The following CNNM1 variants were observed in gnomAD, a reference collection of about 807,000 sequenced individuals.
The protein encoded by CNNM1 is metal transporter CNNM1.
Under a neutral mutation model 78.8 loss-of-function variants are expected in CNNM1, and 44 were observed. The observed-to-expected ratio is 0.56, with a 90% CI of 0.44 to 0.72. The LOEUF is 0.72. CNNM1 is among the 30% of genes least tolerant of loss of function. The pLI is 0.00. For synonymous variants in CNNM1, 584 were observed against 581.5 expected (o/e 1.00, Z -0.06); for missense variants, 1,101 against 1,292.2 (o/e 0.85, Z 2.27).
At chr10:99,356,827 C>T (rs2031235668) in intron 1 of CNNM1, among the ~76,000 whole-genome samples, 1 of 152,190 alleles carries the variant, frequency 6.6e-6, no homozygotes, top group African/African-American at 2.4e-5. Flanking sequence ...GGCCTCTCCA[C>T]TATGGTGGCC....
At chr10:99,335,720 T>C (rs2030148767) in intron 1 of CNNM1, among the ~76,000 whole-genome samples, 1 of 152,168 alleles carries the variant, frequency 6.6e-6, no homozygotes, top group South Asian at 2.1e-4. Flanking sequence ...CATTAGAAAA[T>C]AGCATAGACT....
rs528309020 is a variant in CNNM1, at chr10:99,389,273, C to T, written c.2674+972C>T. On this transcript the variant is annotated intron_variant, in intron 9 of 10. Coordinates refer to ENST00000356713, the MANE Select transcript of CNNM1 (RefSeq NM_020348.3). ...TCTACTAAAAAAAACAAAAATTAGCCGGGTGTGGTGGTGGGTGCCTGTAAT... is the reference window on the plus strand; with the variant it reads ...TCTACTAAAAAAAACAAAAATTAGCTGGGTGTGGTGGTGGGTGCCTGTAAT... 1.4e-4 allele frequency among the ~76,000 whole-genome samples: 21 copies of T among 151,880 alleles called. No homozygotes were observed. The South Asian group carries it at 3.8e-3, about 27-fold the overall frequency.
At chr10:99,333,122 C>T (rs1461508604) in intron 1 of CNNM1, among the ~76,000 whole-genome samples, 2 of 152,174 alleles carry the variant, frequency 1.3e-5, no homozygotes, top group Non-Finnish European at 2.9e-5. Flanking sequence ...CCTCTGTATG[C>T]ATGCATCCCT....
intron 7 of CNNM1, among the ~76,000 whole-genome samples, chr10:99,379,767 C>T (rs562962821): frequency 6.8e-4 from 103 of 151,874 alleles, no homozygotes; most frequent in Middle Eastern, 3.4e-3. Flanking sequence ...GCATGAGCCA[C>T]GGCACTCAGC....
intron 9 of CNNM1, among the ~76,000 whole-genome samples, chr10:99,388,598 T>G (rs1423767954): frequency 6.6e-6 from 1 of 152,208 alleles, no homozygotes; most frequent in African/African-American, 2.4e-5. Context: ...GGCAAGTTAT[T>G]GAACCTAAGA....
chr10:99,364,277 G>A (rs754791494), intron 4 of CNNM1, 140 bp from the exon 5 acceptor site: 1 of 609,444 alleles, frequency 1.6e-6, no homozygotes, highest in Non-Finnish European at 2.8e-6. Flanking sequence ...TAAATCTGGA[G>A]AGAATTAACA....
chr10:99,388,014 T>C lies in CNNM1; in HGVS notation c.2524+11T>C, dbSNP rs775755637. On this transcript the variant is annotated intron_variant, in intron 8 of 10. Transcript: ENST00000356713. ...GGAACAGCCTGCCGTGTAAGTCAGC[T>C]GGGCAGACGGGCAGGCTGGGCTGGT... 3.4e-5 allele frequency: 54 copies of C among 1,580,918 alleles called. No homozygotes were observed. The highest frequency in any genetic ancestry group is 4.4e-5 in the Non-Finnish European group (51 of 1,162,792).
At chr10:99,356,444 C>G (rs368162664) in intron 1 of CNNM1, among the ~76,000 whole-genome samples, 1 of 150,222 alleles carries the variant, frequency 6.7e-6, no homozygotes, top group African/African-American at 2.5e-5. Context: ...CCATTGCACT[C>G]CAGCCTGGCG....
chr10:99,390,270 T>C, intron 9 of CNNM1, 36 bp from the exon 10 acceptor site: 1 of 1,477,174 alleles, frequency 6.8e-7, no homozygotes. Context: ...AGTGTGTAGG[T>C]TGAGACAACT....
At chr10:99,360,751 A>G (rs2031400688) in intron 2 of CNNM1, 84 bp from the exon 3 acceptor site, 7 of 1,499,532 alleles carry the variant, frequency 4.7e-6, no homozygotes, top group Admixed American at 2.1e-5. Context: ...GAAATGTTCT[A>G]TCTGTCCCCT....
At chr10:99,349,432 T>C (rs1299617271) in intron 1 of CNNM1, among the ~76,000 whole-genome samples, 1 of 151,888 alleles carries the variant, frequency 6.6e-6, no homozygotes, top group Non-Finnish European at 1.5e-5. Flanking sequence ...ACAATGGAAA[T>C]AGAAAAGTTC....
intron 7 of CNNM1, among the ~76,000 whole-genome samples, chr10:99,381,311 G>C (rs2032143774): frequency 2.0e-5 from 3 of 151,378 alleles, no homozygotes; most frequent in Admixed American, 1.3e-4. Flanking sequence ...CTATTCAGGA[G>C]GCTGAGGCAG....
chr10:99,387,348 C>T (rs1411346751), intron 7 of CNNM1, among the ~76,000 whole-genome samples: 1 of 152,144 alleles, frequency 6.6e-6, no homozygotes, highest in African/African-American at 2.4e-5. Context: ...TGGGCTTAGT[C>T]CAAATCAGAA....
rs371492190 is a variant in CNNM1 at position 99,360,832 on chromosome 10, C to T, written c.1718-3C>T. ...CTGTAATCTGTCCTCTGTGACCCCA[C>T]AGCTGACAATCGGAAAAAGCAGAGG... On this transcript the variant is annotated splice_region_variant and splice_polypyrimidine_tract_variant and intron_variant, in intron 2 of 10. Transcript: ENST00000356713. 111 of 1,600,194 alleles carry T rather than the reference C, an allele frequency of 6.9e-5. No homozygotes were observed. The African/African-American group carries it at 1.4e-3, about 20-fold the overall frequency.
intron 2 of CNNM1, among the ~76,000 whole-genome samples, chr10:99,358,752 TCTCC>T (rs1440781716): frequency 6.6e-6 from 1 of 151,952 alleles, no homozygotes; most frequent in East Asian, 1.9e-4. Context: ...GGAAATGTCC[TCTCC>T]CTCCCCCACC....
intron 1 of CNNM1, among the ~76,000 whole-genome samples, chr10:99,346,565 A>G (rs7913982): frequency 0.15 from 22,239 of 152,132 alleles, 2,200 homozygotes; most frequent in African/African-American, 0.28. Flanking sequence ...TATTTCATTC[A>G]TTCTCCCAAA....
intron 10 of CNNM1, among the ~76,000 whole-genome samples, chr10:99,390,888 A>G (rs1373373422): frequency 6.6e-6 from 1 of 152,246 alleles, no homozygotes; most frequent in Non-Finnish European, 1.5e-5. Context: ...AACAAGGTGA[A>G]GATATTCCTT....
chr10:99,383,256 T>G (rs989952048), intron 7 of CNNM1, among the ~76,000 whole-genome samples: 2 of 152,148 alleles, frequency 1.3e-5, no homozygotes, highest in Admixed American at 1.3e-4. Flanking sequence ...TGTGGAATTT[T>G]TTTTTGTTTT....
chr10:99,368,745 T>C (rs915588416), intron 6 of CNNM1: 29 of 1,141,726 alleles, frequency 2.5e-5, no homozygotes, highest in Non-Finnish European at 3.3e-5. Flanking sequence ...GCCTTTGGCC[T>C]CTGTCACTTT....
Sources: allele counts gnomAD v4.1 joint callset (sites outside exome capture counted in the v4.1 genomes callset), GRCh38; gene constraint gnomAD v4.1.1; transcripts MANE v1.5; gene names NCBI Gene and HGNC (gene_info 2026-07-23, HGNC 2026-07-21).